Variants in DCHS2 observed in about 807,000 individuals in gnomAD.
The protein encoded by DCHS2 is dachsous cadherin-related 2, also known as protocadherin-23.
In DCHS2, 142 loss-of-function variants were observed where a neutral mutation model predicts 182.4. That is an observed-to-expected ratio of 0.78 (90% CI 0.68 to 0.89). The LOEUF (loss-of-function observed/expected upper bound fraction) is 0.89. DCHS2 is among the 40% of genes least tolerant of loss of function. The pLI, the probability that DCHS2 is intolerant of heterozygous loss-of-function variation, is 0.00. For missense variants in DCHS2, 4,319 were observed against 4,198.6 expected, an observed-to-expected ratio of 1.03 and a Z score of -0.79; for synonymous variants, 1,740 against 1,663.3, an observed-to-expected ratio of 1.05 and a Z score of -1.12.
intron 17 of DCHS2, among the ~76,000 whole-genome samples, chr4:154,242,299 G>A (rs1182728210): frequency 6.6e-6 from 1 of 152,128 alleles, no homozygotes; most frequent in Non-Finnish European, 1.5e-5. Flanking sequence ...AGTTATGAAT[G>A]CTGATTCTTC....
chr4:154,234,960 T>C lies in DCHS2; in HGVS notation c.9692A>G (p.Asn3231Ser), dbSNP rs1417837758. 3 of 1,614,110 alleles carry C rather than the reference T, an allele frequency of 1.9e-6. No individual in the cohort carries two copies. Among genetic ancestry groups the C allele is most frequent in the Non-Finnish European group, 2.5e-6 (3 of 1,179,962 alleles). Residue 3231 changes from asparagine to serine, a missense_variant, in exon 20 of 20, where the codon AAC becomes AGC. Asn to Ser is a conservative substitution (Grantham distance 46). Transcript: ENST00000357232. ...ACTAAGAAGATAATTCCAGTGATAGTTGTCTTTTCCATCATGATCAGAGGT... is the reference window on the plus strand; with the variant it reads ...ACTAAGAAGATAATTCCAGTGATAGCTGTCTTTTCCATCATGATCAGAGGT... ...QTTSDHDGKDNYHWNYLLSWE... is the reference protein window; with the variant it reads ...QTTSDHDGKDSYHWNYLLSWE...
intron 3 of DCHS2, among the ~76,000 whole-genome samples, chr4:154,364,804 T>A (rs754021733): frequency 6.6e-6 from 1 of 152,132 alleles, no homozygotes; most frequent in Non-Finnish European, 1.5e-5. Context: ...TAAGACAATG[T>A]ACAGAAAATG....
chr4:154,232,758 ATCT>A lies in DCHS2; in HGVS notation c.*1775_*1777del, dbSNP rs1206736592. The stretch of plus-strand genomic sequence containing the variant: ...GTTTTTTTTTTACATAAGTCATGAA[ATCT>A]TCTTCCCCAGATGCCAGGAAGAAAA... On this transcript the variant is annotated 3_prime_UTR_variant, in exon 20 of 20. Coordinates refer to ENST00000357232, the MANE Select transcript of DCHS2 (RefSeq NM_001358235.2). The A allele has an allele frequency of 6.6e-6, 1 of 152,048 alleles. No individual in the cohort carries two copies. The highest frequency in any genetic ancestry group is 1.5e-5 in the Non-Finnish European group (1 of 67,972). 9.4% of individuals were successfully genotyped at this position (152,048 alleles called of 1,614,324 possible).
intron 1 of DCHS2, among the ~76,000 whole-genome samples, chr4:154,387,150 G>A (rs1436825046): frequency 6.6e-6 from 1 of 152,158 alleles, no homozygotes; most frequent in African/African-American, 2.4e-5. Context: ...TGTTACAATA[G>A]CATGTTTTTA....
At chr4:154,454,326 C>T (rs1467657287) in intron 1 of DCHS2, among the ~76,000 whole-genome samples, 1 of 152,156 alleles carries the variant, frequency 6.6e-6, no homozygotes, top group Non-Finnish European at 1.5e-5. Flanking sequence ...TCACTGCAGC[C>T]TCATACTCCT....
chr4:154,236,794 GC>G lies in DCHS2; in HGVS notation c.7857del (p.Leu2619PhefsTer27). ...CTTGCTTCTCTGTCCAGACTGTGAA[GC>G]AACACAAGATAACCGACTTGCTTAT... ...YPYKQVGYLV[L>X]LHSLDREASA... On this transcript the variant is annotated frameshift_variant, in exon 20 of 20. Coordinates refer to ENST00000357232, the MANE Select transcript of DCHS2 (RefSeq NM_001358235.2). LOFTEE classifies it low-confidence loss of function (END_TRUNC). 2 of 1,614,022 alleles carry G rather than the reference GC, an allele frequency of 1.2e-6. No homozygotes were observed. Among genetic ancestry groups the G allele is most frequent in the Non-Finnish European group, 1.7e-6 (2 of 1,179,970 alleles).
chr4:154,249,217 C>A (rs1012070265), intron 16 of DCHS2, among the ~76,000 whole-genome samples: 3 of 152,038 alleles, frequency 2.0e-5, no homozygotes, highest in Admixed American at 1.3e-4. Flanking sequence ...CCAGAATCTA[C>A]AAGGAACTTA....
At position 154,298,587 on chromosome 4, in the gene DCHS2, T is replaced by A; in HGVS notation, c.5727A>T (p.Gly1909=). 1 of 1,614,142 alleles carries A rather than the reference T, an allele frequency of 6.2e-7. No homozygotes were observed. Among genetic ancestry groups the A allele is most frequent in the Non-Finnish European group, 8.5e-7 (1 of 1,179,990 alleles). ...FTLVILCSDL[G]DPPRSSVIHL... is the part of the protein sequence containing the mutation. ...GTATTACAGAGCTCCTAGGTGGATC[T>A]CCCAGGTCAGAGCACAGAATGACAA... Residue 1909 remains glycine (G), a synonymous_variant, in exon 13 of 20, where the codon GGA becomes GGT. Coordinates refer to ENST00000357232, the MANE Select transcript of DCHS2 (RefSeq NM_001358235.2).
intron 13 of DCHS2, among the ~76,000 whole-genome samples, chr4:154,296,034 C>T (rs989502316): frequency 1.3e-5 from 2 of 152,146 alleles, no homozygotes; most frequent in African/African-American, 4.8e-5. Context: ...TGAGTATTTA[C>T]TTTTAATCGG....
At chr4:154,359,888 A>G (rs370396769) in intron 3 of DCHS2, among the ~76,000 whole-genome samples, 1 of 152,134 alleles carries the variant, frequency 6.6e-6, no homozygotes, top group Non-Finnish European at 1.5e-5. Flanking sequence ...AGGTAGTCTT[A>G]TAAAGAAATT....
chr4:154,366,003 T>C (rs1018350004), intron 3 of DCHS2, among the ~76,000 whole-genome samples: 1 of 152,056 alleles, frequency 6.6e-6, no homozygotes, highest in East Asian at 1.9e-4. Context: ...AGATCAGTAG[T>C]AGGCAAAGCT....
chr4:154,304,459 CA>C (rs1441099474), intron 12 of DCHS2, among the ~76,000 whole-genome samples: 1 of 151,998 alleles, frequency 6.6e-6, no homozygotes, highest in African/African-American at 2.4e-5. Context: ...GAGTAATCAA[CA>C]GAGAGTGTGT....
At chr4:154,262,060 G>C (rs979542690) in intron 14 of DCHS2, 3 of 152,096 alleles carry the variant, frequency 2.0e-5, no homozygotes, top group African/African-American at 7.2e-5. Context: ...ATCATGTTCT[G>C]TTACTGTTTG....
chr4:154,320,281 G>C (rs974788596), intron 9 of DCHS2, 98 bp downstream of exon 9: 3 of 1,499,640 alleles, frequency 2.0e-6, no homozygotes, highest in Non-Finnish European at 2.7e-6. Context: ...CAACAACAAT[G>C]TATTGTACAC....
chr4:154,265,189 A>G (rs1733183087), intron 14 of DCHS2, among the ~76,000 whole-genome samples: 1 of 152,216 alleles, frequency 6.6e-6, no homozygotes, highest in Admixed American at 6.5e-5. Context: ...AGTTTCAAAT[A>G]CATACACCAG....
intron 1 of DCHS2, among the ~76,000 whole-genome samples, chr4:154,428,979 A>T (rs1733451861): frequency 1.3e-4 from 1 of 7,428 alleles, no homozygotes; most frequent in African/African-American, 1.5e-4. Flanking sequence ...GGGTAAGTTT[A>T]AAAAAAAAAG....
At chr4:154,353,670 G>GT (rs1729723783) in intron 3 of DCHS2, among the ~76,000 whole-genome samples, 1 of 152,092 alleles carries the variant, frequency 6.6e-6, no homozygotes, top group Non-Finnish European at 1.5e-5. Flanking sequence ...TTTTCCAGTG[G>GT]TCCTTCTTCC....
chr4:154,320,900 AC>A lies in DCHS2; in HGVS notation c.4498del (p.Val1500TrpfsTer17). ...TGGGGAATGGTCATTCTGATCTTCC[AC>A]ATCGATACTAAGGAAGACTGTGCTA... ...LSSTVFLSID[V>X]EDQNDHSPSF... On this transcript the variant is annotated frameshift_variant, in exon 9 of 20. Coordinates refer to ENST00000357232, the MANE Select transcript of DCHS2 (RefSeq NM_001358235.2). LOFTEE classifies it high-confidence loss of function. 6.2e-7 allele frequency: 1 copy of A among 1,614,102 alleles called. No homozygotes were observed. Among genetic ancestry groups the A allele is most frequent in the Non-Finnish European group, 8.5e-7 (1 of 1,180,018 alleles).
intron 1 of DCHS2, among the ~76,000 whole-genome samples, chr4:154,406,037 G>C (rs1162966330): frequency 6.6e-6 from 1 of 152,194 alleles, no homozygotes; most frequent in Admixed American, 6.5e-5. Context: ...GTTGTACAGC[G>C]AATCTCTTCA....
Sources: allele counts gnomAD v4.1 joint callset (sites outside exome capture counted in the v4.1 genomes callset), GRCh38; gene constraint gnomAD v4.1.1; transcripts MANE v1.5; gene names NCBI Gene and HGNC (gene_info 2026-07-23, HGNC 2026-07-21).